SEPTIN3: variants seen among roughly 807,000 people sequenced by gnomAD.
SEPTIN3 encodes the protein neuronal-specific septin-3.
Under a neutral mutation model 45.1 loss-of-function variants are expected in SEPTIN3, and 15 were observed. That is an observed-to-expected ratio of 0.33 (90% CI 0.22 to 0.51). The LOEUF is 0.51. SEPTIN3 is among the 20% of genes least tolerant of loss of function. SEPTIN3 has a pLI of 0.97. For synonymous variants in SEPTIN3, 148 were observed against 164.8 expected, an observed-to-expected ratio of 0.90 and a Z score of 0.78; for missense variants, 289 against 457.2, an observed-to-expected ratio of 0.63 and a Z score of 3.35.
chr22:41,977,638 G>T (rs1043656799), intron 2 of SEPTIN3, among the ~76,000 whole-genome samples: 1 of 151,900 alleles, frequency 6.6e-6, no homozygotes, highest in Non-Finnish European at 1.5e-5. Context: ...TTGCCTTTGT[G>T]GGGGGCGGTG....
rs558688745 is a variant in SEPTIN3, at chr22:41,984,821, A to ACCTGG, written c.1697-1158_1697-1154dup. ...TGGGATTACAGGCATGAGCCACTGC[A>ACCTGG]CCTGGCCTGACCAGTGGTTTTCCCT... is the stretch of plus-strand genomic sequence containing the variant. On this transcript the variant is annotated intron_variant, in intron 3 of 11. Coordinates refer to ENST00000644076, the MANE Select transcript of SEPTIN3 (RefSeq NM_001363845.2). 1.0e-3 allele frequency among the ~76,000 whole-genome samples: 145 copies of ACCTGG among 143,170 alleles called. 2 individuals are homozygous for ACCTGG. The highest frequency in any genetic ancestry group is 1.3e-3 in the Non-Finnish European group (89 of 66,464). The allele number at this position is 143,170 out of a possible 152,430, so 93.9% of individuals were successfully genotyped here. A position where few individuals can be genotyped will look rare whatever the true frequency, so the allele number is the denominator to read the frequency against.
chr22:41,994,266 TG>T lies in SEPTIN3; in HGVS notation c.2360-23del, dbSNP rs765442418. 6.2e-7 allele frequency: 1 copy of T among 1,612,850 alleles called. No homozygotes were observed. The highest frequency in any genetic ancestry group is 8.5e-7 in the Non-Finnish European group (1 of 1,179,676). On this transcript the variant is annotated intron_variant, in intron 9 of 11. Coordinates refer to ENST00000644076, the MANE Select transcript of SEPTIN3 (RefSeq NM_001363845.2). The surrounding 1 kb of genome is among the most constrained non-coding windows in gnomAD (Gnocchi z 4.2). ...GTATTAATGAACTGACTACCTGTTT[TG>T]CTTTGTTTTGTTTTGTTCATAGTGG...
rs765118631 is a variant in SEPTIN3 at position 41,994,720 on chromosome 22, C to T, written c.2505+6C>T. 10 of 1,613,992 alleles carry T rather than the reference C, an allele frequency of 6.2e-6. No individual in the cohort carries two copies. The Admixed American group carries it at 1.2e-4, about 19-fold the overall frequency. Reference sequence around the variant, plus strand: ...ACAATGGAGGCCTCCCTCCGGTGAGCGTGGACACAGAGGAAAGCCACGACA... The same window carrying T: ...ACAATGGAGGCCTCCCTCCGGTGAGTGTGGACACAGAGGAAAGCCACGACA... On this transcript the variant is annotated splice_donor_region_variant and intron_variant, in intron 11 of 11. Coordinates refer to ENST00000644076, the MANE Select transcript of SEPTIN3 (RefSeq NM_001363845.2). This position sits in a 1 kb window ranked among gnomAD's most constrained non-coding sequence, Gnocchi z 4.2.
chr22:41,971,787 A>G lies in SEPTIN3; in HGVS notation c.295A>G (p.Ser99Gly), dbSNP rs1007755964. The G allele has an allele frequency of 7.5e-6, 3 of 399,256 alleles. No homozygotes were observed. The highest frequency in any genetic ancestry group is 1.3e-5 in the Non-Finnish European group (3 of 226,260). The allele number at this position is 399,256 out of a possible 1,614,324, so 24.7% of individuals were successfully genotyped here. A position where few individuals can be genotyped will look rare whatever the true frequency, so the allele number is the denominator to read the frequency against. Reference protein sequence around the residue: ...LGASLSPLPTSSLVPRKLSSI... With the variant: ...LGASLSPLPTGSLVPRKLSSI... The stretch of plus-strand genomic sequence containing the variant: ...GGCTTCCTTGAGCCCCCTGCCCACC[A>G]GCAGCCTTGTACCCAGGAAGCTCAG... The change falls in exon 2 of 12, where the codon AGC becomes GGC. Residue 99 changes from serine to glycine, a missense_variant. Around this residue, in one of 3 missense-constraint regions of SEPTIN3, gnomAD observed 200 missense variants for 315.1 expected, o/e 0.63. Transcript: ENST00000644076.
chr22:41,978,335 A>G (rs992099105), intron 2 of SEPTIN3, among the ~76,000 whole-genome samples: 2 of 152,242 alleles, frequency 1.3e-5, no homozygotes, highest in African/African-American at 4.8e-5. Context: ...CACAGAGATC[A>G]ATAAGACACG....
chr22:41,977,125 C>A, intron 2 of SEPTIN3: 1 of 1,561,788 alleles, frequency 6.4e-7, no homozygotes, highest in South Asian at 1.2e-5. Context: ...GGCTGCGGCC[C>A]CGGCCAGCGC....
intron 3 of SEPTIN3, among the ~76,000 whole-genome samples, chr22:41,985,030 T>G (rs1442689022): frequency 6.6e-6 from 1 of 151,678 alleles, no homozygotes; most frequent in Non-Finnish European, 1.5e-5. Context: ...TTTTTTGTAT[T>G]TTTTTTAGAA....
intron 7 of SEPTIN3, among the ~76,000 whole-genome samples, chr22:41,990,454 T>C (rs985783374): frequency 6.6e-6 from 1 of 151,468 alleles, no homozygotes; most frequent in Non-Finnish European, 1.5e-5. Context: ...CTTTAAGAAA[T>C]TTACAATCCA....
rs2078374985 is a variant in SEPTIN3 at position 41,994,059 on chromosome 22, T to A, written c.2360-231T>A. Among the ~76,000 whole-genome samples the A allele has an allele frequency of 1.3e-5, 2 of 152,356 alleles. No individual in the cohort carries two copies. The highest frequency in any genetic ancestry group is 4.8e-5 in the African/African-American group (2 of 41,584). On this transcript the variant is annotated intron_variant, in intron 9 of 11. Transcript: ENST00000644076. This position sits in a 1 kb window ranked among gnomAD's most constrained non-coding sequence, Gnocchi z 4.2. ...AAAAATTATAGTCCCTCTTGGCTAT[T>A]ATGCCACAGCGTCTAGAAGGATGTC... is the stretch of plus-strand genomic sequence containing the variant.
intron 3 of SEPTIN3, among the ~76,000 whole-genome samples, chr22:41,983,173 A>G (rs2078149625): frequency 6.6e-6 from 1 of 152,230 alleles, no homozygotes; most frequent in Admixed American, 6.5e-5. Context: ...CTGCAGCAAG[A>G]TAAGCTCAGC....
At chr22:41,987,529 C>T in intron 5 of SEPTIN3, 93 bp from the exon 6 acceptor site, 2 of 1,447,236 alleles carry the variant, frequency 1.4e-6, no homozygotes, top group Non-Finnish European at 1.9e-6. Flanking sequence ...CAGGGAATGA[C>T]ATGAATGTAA....
rs75386772 is a variant in SEPTIN3 at position 41,997,347 on chromosome 22, C to G, written c.*380C>G. 237 of 204,834 alleles carry G rather than the reference C, an allele frequency of 1.2e-3. No individual in the cohort carries two copies. The highest frequency in any genetic ancestry group is 5.3e-3 in the African/African-American group (228 of 43,156). 12.7% of individuals were successfully genotyped at this position (204,834 alleles called of 1,614,324 possible). On this transcript the variant is annotated 3_prime_UTR_variant, in exon 12 of 12. Coordinates refer to ENST00000644076, the MANE Select transcript of SEPTIN3 (RefSeq NM_001363845.2). Reference sequence around the variant, plus strand: ...ATTCATCTGCATGAGCTACTCTTGGCTTCCTTAAAGGGTCAAGAAAGCAAT... The same window carrying G: ...ATTCATCTGCATGAGCTACTCTTGGGTTCCTTAAAGGGTCAAGAAAGCAAT...
At position 41,992,797 on chromosome 22, in the gene SEPTIN3, C is replaced by G. The variant is rs749135479; in HGVS notation, c.2359+34C>G. 48 of 1,388,092 alleles carry G rather than the reference C, an allele frequency of 3.5e-5. 1 individual carries two copies. In the African/African-American group the frequency reaches 5.4e-4, roughly 16 times the overall value. 86.0% of individuals were successfully genotyped at this position (1,388,092 alleles called of 1,614,324 possible). ...CTGCATCTTCTGGAAGAACTGGTTG[C>G]TGATCAGTTATCCAGTCACCATTTA... On this transcript the variant is annotated intron_variant, in intron 9 of 11. Transcript: ENST00000644076.
At position 41,976,968 on chromosome 22, in the gene SEPTIN3, C is replaced by G. The variant is rs1378809597; in HGVS notation, c.1504+3972C>G. On this transcript the variant is annotated intron_variant, in intron 2 of 11. Transcript: ENST00000644076. This position sits in a 1 kb window ranked among gnomAD's most constrained non-coding sequence, Gnocchi z 5.8. ...AGCGCGAAGGGGCGAGGCCCGTTTGCAGGGGCCGCTCGGCCCGGGGAAGCC... is the reference window on the plus strand; with the variant it reads ...AGCGCGAAGGGGCGAGGCCCGTTTGGAGGGGCCGCTCGGCCCGGGGAAGCC... The G allele has an allele frequency of 7.6e-7, 1 of 1,320,348 alleles. No individual in the cohort carries two copies. Among genetic ancestry groups the G allele is most frequent in the African/African-American group, 1.5e-5 (1 of 65,008 alleles). 81.8% of individuals were successfully genotyped at this position (1,320,348 alleles called of 1,614,324 possible).
intron 3 of SEPTIN3, among the ~76,000 whole-genome samples, chr22:41,984,924 C>T (rs1378286084): frequency 6.9e-6 from 1 of 145,160 alleles, no homozygotes; most frequent in Non-Finnish European, 1.5e-5. Flanking sequence ...GCGATCTCAG[C>T]TCACTGCAAG....
intron 8 of SEPTIN3, among the ~76,000 whole-genome samples, chr22:41,992,272 G>A (rs185177196): frequency 5.6e-4 from 85 of 152,246 alleles, no homozygotes; most frequent in African/African-American, 1.8e-3. Context: ...CCAGCTACTC[G>A]GGAGGCTGAG....
chr22:41,979,569 G>A (rs1277955432), intron 2 of SEPTIN3, among the ~76,000 whole-genome samples: 1 of 152,340 alleles, frequency 6.6e-6, no homozygotes, highest in Non-Finnish European at 1.5e-5. Flanking sequence ...AAGAGTGGAG[G>A]AGCAGGGCCA....
At chr22:41,986,224 C>A in intron 4 of SEPTIN3, 112 bp downstream of exon 4, 1 of 1,322,228 alleles carries the variant, frequency 7.6e-7, no homozygotes, top group Non-Finnish European at 1.0e-6. Context: ...AACCTTAAGA[C>A]AAAACAGACG....
intron 2 of SEPTIN3, among the ~76,000 whole-genome samples, chr22:41,980,390 C>A (rs1023823218): frequency 2.6e-5 from 4 of 152,164 alleles, no homozygotes; most frequent in African/African-American, 9.7e-5. Flanking sequence ...CCTGCCTTGG[C>A]CTCCCAAAGT....
Sources: gnomAD v4.1 joint callset for allele counts (sites outside exome capture counted in the v4.1 genomes callset) on GRCh38, gnomAD v4.1.1 for gene constraint, gnomAD v4.1.1 regional missense constraint, Gnocchi (gnomAD v3.1) non-coding constraint, MANE v1.5 for transcripts, NCBI Gene and HGNC (gene_info 2026-07-23, HGNC 2026-07-21) for gene names.